The following WDFY4 variants were observed in gnomAD, a reference collection of about 807,000 sequenced individuals.
WDFY4 encodes WD repeat- and FYVE domain-containing protein 4.
In WDFY4, 169 loss-of-function variants were observed where a neutral mutation model predicts 351.9. The ratio of observed to expected loss-of-function variants is 0.48; its 90% CI spans 0.42 to 0.55. The LOEUF (loss-of-function observed/expected upper bound fraction) is 0.55. WDFY4 is among the 20% of genes least tolerant of loss of function. WDFY4 has a pLI of 0.00. For synonymous variants in WDFY4, 1,622 were observed against 1,574.6 expected, an observed-to-expected ratio of 1.03 and a Z score of -0.71; for missense variants, 3,803 against 3,935.6, an observed-to-expected ratio of 0.97 and a Z score of 0.90.
chr10:48,758,011 C>A (rs59178559), intron 12 of WDFY4, among the ~76,000 whole-genome samples: 12,792 of 151,926 alleles, frequency 0.084, 680 homozygotes, highest in East Asian at 0.24. Context: ...TTATATTTAC[C>A]CAAATATTTA....
chr10:48,821,022 G>T (rs1226621409), intron 33 of WDFY4, 40 bp from the exon 34 acceptor site: 1 of 1,443,116 alleles, frequency 6.9e-7, no homozygotes, highest in Admixed American at 2.0e-5. Context: ...GCACACGATG[G>T]CCCTGTGGTT....
chr10:48,720,015 G>C lies in WDFY4; in HGVS notation c.239G>C (p.Trp80Ser). The C allele has an allele frequency of 6.4e-7, 1 of 1,551,616 alleles. No homozygotes were observed. Among genetic ancestry groups the C allele is most frequent in the Middle Eastern group, 1.7e-4 (1 of 5,990 alleles). ...LSLLPLFLKA[W>S]EHSVGIICFP... ...AAGTCCCATCTGTTGCTTCAGGCCTGGGAACACTCCGTGGGGATCATCTGC... is the reference window on the plus strand; with the variant it reads ...AAGTCCCATCTGTTGCTTCAGGCCTCGGAACACTCCGTGGGGATCATCTGC... Residue 80 changes from tryptophan to serine, a missense_variant, in exon 3 of 62, where the codon TGG becomes TCG. Coordinates refer to ENST00000325239, the MANE Select transcript of WDFY4 (RefSeq NM_001394531.1).
intron 39 of WDFY4, among the ~76,000 whole-genome samples, chr10:48,837,075 T>A (rs2068426767): frequency 6.6e-6 from 1 of 152,144 alleles, no homozygotes; most frequent in African/African-American, 2.4e-5. Flanking sequence ...AACTCTCTAC[T>A]ATCTTTGTAA....
Position 48,820,259 on chromosome 10 carries a change from A to G in WDFY4, c.5531A>G (p.Asn1844Ser), listed in dbSNP as rs772744701. Residue 1844 changes from asparagine (N) to serine (S), a missense_variant, in exon 33 of 62, where the codon AAC (asparagine) becomes AGC (serine). By Grantham distance (46) the Asn-to-Ser change is conservative (BLOSUM62 1). Transcript: ENST00000325239. ...GGGGTTGGGGCTGAGTCCACCCGGA[A>G]CACCAGCAGTCCTGAGGCCGCAGCT... is the stretch of plus-strand genomic sequence containing the variant. ...QKGVGAESTR[N>S]TSSPEAAAEG... is the part of the protein sequence containing the mutation. 2.0e-5 allele frequency: 31 copies of G among 1,551,532 alleles called. No individual in the cohort carries two copies. In the South Asian group the frequency reaches 2.7e-4, roughly 14 times the overall value.
intron 51 of WDFY4, among the ~76,000 whole-genome samples, chr10:48,950,582 T>C (rs1841275452): frequency 6.6e-6 from 1 of 151,964 alleles, no homozygotes; most frequent in South Asian, 2.1e-4. Context: ...CCTCAGGAAA[T>C]GACAAGGGAG....
At position 48,771,245 on chromosome 10, in the gene WDFY4, G is replaced by A. The variant is rs182310648; in HGVS notation, c.2554-3213G>A. ...ACATATGTGCTACAAAACTGTGTTA[G>A]CTACATATGGAAGAACACTATCTTA... On this transcript the variant is annotated intron_variant, in intron 13 of 61. Transcript: ENST00000325239. Among the ~76,000 whole-genome samples the A allele has an allele frequency of 5.9e-5, 9 of 152,308 alleles. No homozygotes were observed. The East Asian group carries it at 9.6e-4, about 16-fold the overall frequency.
At chr10:48,857,828 T>C (rs1211693260) in intron 39 of WDFY4, among the ~76,000 whole-genome samples, 1 of 152,178 alleles carries the variant, frequency 6.6e-6, no homozygotes, top group Non-Finnish European at 1.5e-5. Flanking sequence ...GTTTTGCTCT[T>C]GTTGCCCAGG....
At chr10:48,889,378 C>T (rs2070594415) in intron 43 of WDFY4, among the ~76,000 whole-genome samples, 1 of 152,198 alleles carries the variant, frequency 6.6e-6, no homozygotes, top group Admixed American at 6.5e-5. Context: ...GTCTTCAGGG[C>T]ACCACTGTGG....
chr10:48,749,810 C>T (rs1222643235), intron 12 of WDFY4, among the ~76,000 whole-genome samples: 2 of 152,148 alleles, frequency 1.3e-5, no homozygotes, highest in African/African-American at 2.4e-5. Flanking sequence ...AGAAAAGCCC[C>T]CTCCAAAGCA....
chr10:48,914,198 G>C, intron 47 of WDFY4: 1 of 1,573,812 alleles, frequency 6.4e-7, no homozygotes, highest in Non-Finnish European at 8.6e-7. Context: ...TGTTCTGATT[G>C]GATAGTGATC....
chr10:48,759,109 C>T (rs943675372), intron 12 of WDFY4, among the ~76,000 whole-genome samples: 1 of 151,958 alleles, frequency 6.6e-6, no homozygotes, highest in Admixed American at 6.6e-5. Context: ...GCCCATCTTC[C>T]CTGGACTCTC....
At chr10:48,830,635 C>T in intron 37 of WDFY4, 65 bp from the exon 38 acceptor site, 1 of 1,503,474 alleles carries the variant, frequency 6.7e-7, no homozygotes, top group Non-Finnish European at 9.0e-7. Context: ...GATGCACCAT[C>T]TCCCAGCCCT....
intron 13 of WDFY4, among the ~76,000 whole-genome samples, chr10:48,772,350 GGTGTGTGTGGAT>G (rs1201667602): frequency 6.6e-6 from 1 of 151,966 alleles, no homozygotes; most frequent in Non-Finnish European, 1.5e-5. Flanking sequence ...AGGCATGTAT[GGTGTGTGTGGAT>G]GTGTGTGTGG....
At chr10:48,796,528 C>G (rs1459514974) in intron 24 of WDFY4, 78 bp downstream of exon 24, 7 of 1,480,106 alleles carry the variant, frequency 4.7e-6, no homozygotes, top group African/African-American at 1.4e-5. Context: ...TTCCCCTAAA[C>G]CTAGCATGTC....
At chr10:48,823,091 T>C in intron 35 of WDFY4, 2 of 1,268,338 alleles carry the variant, frequency 1.6e-6, no homozygotes, top group South Asian at 1.3e-5. Flanking sequence ...CATCATTGAA[T>C]GTAGGTGTAT....
intron 1 of WDFY4, among the ~76,000 whole-genome samples, chr10:48,685,914 G>A (rs2063032441): frequency 6.6e-6 from 1 of 151,846 alleles, no homozygotes; most frequent in African/African-American, 2.4e-5. Flanking sequence ...GTAGGGTGGG[G>A]GTCTTGGGAG....
chr10:48,755,035 A>G (rs1170353890), intron 12 of WDFY4, among the ~76,000 whole-genome samples: 2 of 152,154 alleles, frequency 1.3e-5, no homozygotes, highest in Admixed American at 1.3e-4. Flanking sequence ...CAATCAAGAA[A>G]CAGAACAGTC....
chr10:48,956,428 G>A (rs1342056670), intron 51 of WDFY4, among the ~76,000 whole-genome samples: 1 of 152,044 alleles, frequency 6.6e-6, no homozygotes, highest in Non-Finnish European at 1.5e-5. Flanking sequence ...TCCTGCCCAC[G>A]TCTCTCTCTC....
At chr10:48,965,049 T>C (rs1449168261) in intron 54 of WDFY4, among the ~76,000 whole-genome samples, 2 of 152,152 alleles carry the variant, frequency 1.3e-5, no homozygotes, top group Non-Finnish European at 2.9e-5. Context: ...GGAGGCTTTG[T>C]AGGAAGGAAA....
Sources: gnomAD v4.1 joint callset for allele counts (sites outside exome capture counted in the v4.1 genomes callset) on GRCh38, gnomAD v4.1.1 for gene constraint, MANE v1.5 for transcripts, NCBI Gene and HGNC (gene_info 2026-07-23, HGNC 2026-07-21) for gene names.